Variants in MCC observed in about 807,000 individuals in gnomAD.
MCC encodes colorectal mutant cancer protein.
Under a neutral mutation model 116.2 loss-of-function variants are expected in MCC, and 90 were observed. The ratio of observed to expected loss-of-function variants is 0.77; its 90% CI spans 0.65 to 0.92. MCC has a LOEUF of 0.92. Ranked by LOEUF, MCC falls within the 40% of genes least tolerant of loss-of-function variation. MCC has a pLI of 0.00. For missense variants in MCC, 1,516 were observed against 1,312.2 expected (o/e 1.16, Z -2.40); for synonymous variants, 578 against 510.5 (o/e 1.13, Z -1.78).
chr5:113,221,850 G>A (rs1422587926), intron 3 of MCC, among the ~76,000 whole-genome samples: 3 of 151,122 alleles, frequency 2.0e-5, no homozygotes, highest in Admixed American at 6.6e-5. Flanking sequence ...CATTTGGGAA[G>A]ACTGATTTGA....
At chr5:113,042,761 G>C (rs1023102893) in intron 17 of MCC, among the ~76,000 whole-genome samples, 1 of 151,488 alleles carries the variant, frequency 6.6e-6, no homozygotes, top group South Asian at 2.1e-4. Context: ...ATACATACCA[G>C]GTTTTGAAAA....
Position 113,340,500 on chromosome 5 carries a change from T to A in MCC, c.627+19A>T. ...CAGACAGGCCGAAATATGTATTCCA[T>A]GAACCAAAAAGTACTCACTGTGTTG... On this transcript the variant is annotated intron_variant, in intron 3 of 18. Coordinates refer to ENST00000408903, the MANE Select transcript of MCC (RefSeq NM_001085377.2). 6.2e-7 allele frequency: 1 copy of A among 1,610,036 alleles called. No homozygotes were observed. The highest frequency in any genetic ancestry group is 8.5e-7 in the Non-Finnish European group (1 of 1,176,422).
intron 1 of MCC, among the ~76,000 whole-genome samples, chr5:113,438,065 A>G (rs1345858564): frequency 6.6e-6 from 1 of 152,208 alleles, no homozygotes; most frequent in Non-Finnish European, 1.5e-5. Flanking sequence ...AGAATCTGGG[A>G]AGAAAAGCAG....
intron 3 of MCC, among the ~76,000 whole-genome samples, chr5:113,297,424 G>A (rs1482899104): frequency 1.3e-5 from 2 of 151,940 alleles, no homozygotes; most frequent in African/African-American, 4.8e-5. Context: ...AAATTAGCTG[G>A]GCGTGGTGGC....
At chr5:113,451,420 T>A (rs1361121125) in intron 1 of MCC, among the ~76,000 whole-genome samples, 2 of 152,268 alleles carry the variant, frequency 1.3e-5, no homozygotes, top group Non-Finnish European at 2.9e-5. Context: ...GCATGTTTTG[T>A]ATCATCTCCA....
intron 1 of MCC, among the ~76,000 whole-genome samples, chr5:113,411,804 T>C (rs1469496582): frequency 6.6e-6 from 1 of 152,242 alleles, no homozygotes; most frequent in Non-Finnish European, 1.5e-5. Flanking sequence ...TTTTGGCTTT[T>C]GTTGCCATTG....
At chr5:113,409,415 G>C (rs1035376447) in intron 1 of MCC, among the ~76,000 whole-genome samples, 1 of 151,952 alleles carries the variant, frequency 6.6e-6, no homozygotes, top group Non-Finnish European at 1.5e-5. Context: ...GCAGTGGTGT[G>C]ATCACGGCTC....
At chr5:113,186,157 G>C (rs1477614944) in intron 3 of MCC, among the ~76,000 whole-genome samples, 2 of 151,796 alleles carry the variant, frequency 1.3e-5, no homozygotes, top group African/African-American at 2.4e-5. Context: ...ATGGATCCTT[G>C]CAACTACTAC....
At chr5:113,437,499 T>C (rs1409695449) in intron 1 of MCC, among the ~76,000 whole-genome samples, 5 of 152,228 alleles carry the variant, frequency 3.3e-5, no homozygotes, top group Admixed American at 6.5e-5. Context: ...CTTGGGATTA[T>C]GTAGAAATAT....
chr5:113,167,445 T>G (rs1760827898), intron 3 of MCC, among the ~76,000 whole-genome samples: 1 of 152,166 alleles, frequency 6.6e-6, no homozygotes, highest in Admixed American at 6.5e-5. Context: ...GAAATTTATT[T>G]AAAGTGATTG....
chr5:113,380,033 G>T (rs1769077254), intron 2 of MCC, among the ~76,000 whole-genome samples: 1 of 152,134 alleles, frequency 6.6e-6, no homozygotes, highest in South Asian at 2.1e-4. Flanking sequence ...TCAGTGTTCT[G>T]CAGAAAACAC....
chr5:113,247,171 A>G (rs1334813954), intron 3 of MCC, among the ~76,000 whole-genome samples: 4 of 152,250 alleles, frequency 2.6e-5, no homozygotes, highest in South Asian at 2.1e-4. Context: ...ACTTGAAAAC[A>G]TAAGTGATAA....
intron 1 of MCC, among the ~76,000 whole-genome samples, chr5:113,389,861 T>C (rs552963821): frequency 6.6e-6 from 1 of 152,320 alleles, no homozygotes; most frequent in Non-Finnish European, 1.5e-5. Context: ...TATACCTGTC[T>C]TTGTATTTTC....
At chr5:113,404,422 C>G (rs574969565) in intron 1 of MCC, among the ~76,000 whole-genome samples, 72 of 152,236 alleles carry the variant, frequency 4.7e-4, no homozygotes, top group Non-Finnish European at 5.6e-4. Context: ...CAGAAAGTCA[C>G]CAATGTAACA....
chr5:113,156,204 G>T (rs7720516), intron 3 of MCC, among the ~76,000 whole-genome samples: 86,863 of 152,038 alleles, frequency 0.57, 25,767 homozygotes, highest in East Asian at 0.68. Context: ...AAAGCGCTAT[G>T]AAGTTGAGAG....
chr5:113,418,815 A>G, intron 1 of MCC, among the ~76,000 whole-genome samples: 1 of 152,210 alleles, frequency 6.6e-6, no homozygotes, highest in Admixed American at 6.5e-5. Flanking sequence ...AGGGCCTTTA[A>G]TTATTTCCTG....
intron 6 of MCC, among the ~76,000 whole-genome samples, chr5:113,115,383 G>A (rs1271718108): frequency 1.3e-5 from 2 of 152,220 alleles, no homozygotes; most frequent in Admixed American, 6.5e-5. Context: ...AATCGAGGCT[G>A]CATTTTCAGG....
chr5:113,331,053 G>C (rs549111700), intron 3 of MCC, among the ~76,000 whole-genome samples: 32 of 152,312 alleles, frequency 2.1e-4, no homozygotes, highest in Admixed American at 1.6e-3. Context: ...AACCAGAACA[G>C]ATGCCCGGAA....
At chr5:113,102,059 C>T (rs998158116) in intron 7 of MCC, 114 bp from the exon 8 acceptor site, 2 of 978,704 alleles carry the variant, frequency 2.0e-6, no homozygotes, top group Admixed American at 2.1e-5. Context: ...TCTAGAACCA[C>T]TTTGTTATAA....
Sources: allele counts gnomAD v4.1 joint callset (sites outside exome capture counted in the v4.1 genomes callset), GRCh38; gene constraint gnomAD v4.1.1; transcripts MANE v1.5; gene names NCBI Gene and HGNC (gene_info 2026-07-23, HGNC 2026-07-21).